The following NIPSNAP3B variants were observed in gnomAD, a reference collection of about 807,000 sequenced individuals.
NIPSNAP3B encodes protein NipSnap homolog 3B.
Under a neutral mutation model 31.5 loss-of-function variants are expected in NIPSNAP3B, and 30 were observed. The ratio of observed to expected loss-of-function variants is 0.95; its 90% CI spans 0.71 to 1.29. The LOEUF (loss-of-function observed/expected upper bound fraction) is 1.29. Ranked by LOEUF, NIPSNAP3B falls within the 50% of genes most tolerant of loss-of-function variation. The pLI, the probability that NIPSNAP3B is intolerant of heterozygous loss-of-function variation, is 0.00. For synonymous variants in NIPSNAP3B, 106 were observed against 107.9 expected (o/e 0.98, Z 0.11); for missense variants, 269 against 300.7 (o/e 0.89, Z 0.78).
At chr9:104,764,633 G>T (rs955789481) in intron 1 of NIPSNAP3B, among the ~76,000 whole-genome samples, 4 of 152,182 alleles carry the variant, frequency 2.6e-5, no homozygotes, top group African/African-American at 9.7e-5. Context: ...TCCGCCTCCC[G>T]GGTTCAAGCG....
At chr9:104,766,574 T>A in intron 2 of NIPSNAP3B, 39 bp downstream of exon 2, 1 of 1,564,758 alleles carries the variant, frequency 6.4e-7, no homozygotes, top group South Asian at 1.1e-5. Flanking sequence ...GTATAGATTT[T>A]CATTCTGTTA....
At chr9:104,766,960 T>G (rs1366036193) in intron 2 of NIPSNAP3B, among the ~76,000 whole-genome samples, 1 of 152,108 alleles carries the variant, frequency 6.6e-6, no homozygotes, top group Non-Finnish European at 1.5e-5. Context: ...ATGTATATGG[T>G]ATTGACGAAG....
Position 104,766,486 on chromosome 9 carries a change from T to C in NIPSNAP3B, c.222T>C (p.Ser74=), listed in dbSNP as rs751195753. 6.2e-7 allele frequency: 1 copy of C among 1,613,682 alleles called. No homozygotes were observed. The highest frequency in any genetic ancestry group is 8.5e-7 in the Non-Finnish European group (1 of 1,179,746). ...TSYSELVGFW[S]VEFGGRTNKV... ...ACTCTGAATTGGTTGGATTCTGGAG[T>C]GTAGAATTTGGAGGCAGAACGAATA... Residue 74 remains serine (S), a synonymous_variant, in exon 2 of 6, where the codon AGT becomes AGC. Coordinates refer to ENST00000374762, the MANE Select transcript of NIPSNAP3B (RefSeq NM_018376.4).
rs1828198760 is a variant in NIPSNAP3B, at chr9:104,770,830, A to C, written c.431-19A>C. 6.2e-7 allele frequency: 1 copy of C among 1,607,676 alleles called. No individual in the cohort carries two copies. The highest frequency in any genetic ancestry group is 8.5e-7 in the Non-Finnish European group (1 of 1,176,362). ...TTTGAATGTCTTCTGTGAAATAATT[A>C]TTTTTCTCCCTATTCTAGGAGTCTA... On this transcript the variant is annotated intron_variant, in intron 3 of 5. Coordinates refer to ENST00000374762, the MANE Select transcript of NIPSNAP3B (RefSeq NM_018376.4).
chr9:104,764,382 G>A, intron 1 of NIPSNAP3B, 82 bp downstream of exon 1: 1 of 1,241,738 alleles, frequency 8.1e-7, no homozygotes. Flanking sequence ...TGCGAGCCAC[G>A]CTCAGGCGCT....
At chr9:104,767,189 G>A (rs975704300) in intron 2 of NIPSNAP3B, among the ~76,000 whole-genome samples, 30 of 152,040 alleles carry the variant, frequency 2.0e-4, no homozygotes, top group Non-Finnish European at 2.7e-4. Flanking sequence ...ACTTTTAAGC[G>A]TCACCCAACT....
the NIPSNAP3B span, chr9:104,786,956 C>T: frequency 1.2e-6 from 2 of 1,613,914 alleles, no homozygotes; most frequent in Non-Finnish European, 1.7e-6. Context: ...CTTTGGGATC[C>T]ATGCCTGTGG....
the NIPSNAP3B span, chr9:104,786,532 A>C: frequency 1.3e-6 from 1 of 779,848 alleles, no homozygotes; most frequent in Non-Finnish European, 2.2e-6. Context: ...GATGCTGTTC[A>C]GTGTAGTGGT....
chr9:104,766,580 T>C (rs1402122207), intron 2 of NIPSNAP3B, 45 bp downstream of exon 2: 3 of 1,545,880 alleles, frequency 1.9e-6, no homozygotes, highest in Non-Finnish European at 2.7e-6. Context: ...ATTTTCATTC[T>C]GTTAAATGTA....
chr9:104,773,698 A>C lies in NIPSNAP3B; in HGVS notation c.*625A>C, dbSNP rs574252013. 94 of 152,300 alleles carry C rather than the reference A, an allele frequency of 6.2e-4. No homozygotes were observed. Among genetic ancestry groups the C allele is most frequent in the Admixed American group, 6.0e-3 (92 of 15,296 alleles). 9.4% of individuals were successfully genotyped at this position (152,300 alleles called of 1,614,324 possible). A position where few individuals can be genotyped will look rare whatever the true frequency, so the allele number is the denominator to read the frequency against. On this transcript the variant is annotated 3_prime_UTR_variant, in exon 6 of 6. Coordinates refer to ENST00000374762, the MANE Select transcript of NIPSNAP3B (RefSeq NM_018376.4). Reference sequence around the variant, plus strand: ...AAATCTAGAAAAGACTTGTTGGTTTATATGCTGAAATTGTTCATTTATAAT... The same window carrying C: ...AAATCTAGAAAAGACTTGTTGGTTTCTATGCTGAAATTGTTCATTTATAAT...
chr9:104,787,954 A>G, the NIPSNAP3B span: 7 of 1,614,068 alleles, frequency 4.3e-6, no homozygotes, highest in South Asian at 5.5e-5. Flanking sequence ...GATCAAAGCC[A>G]TGGCTGTAGA....
the NIPSNAP3B span, chr9:104,783,311 T>C: frequency 5.9e-5 from 9 of 152,228 alleles, no homozygotes; most frequent in African/African-American, 2.2e-4. Flanking sequence ...TACAACTCCA[T>C]CTTTTCATTT....
chr9:104,766,615 A>G (rs1413379483), intron 2 of NIPSNAP3B, 80 bp downstream of exon 2: 2 of 1,343,102 alleles, frequency 1.5e-6, no homozygotes, highest in East Asian at 2.3e-5. Context: ...TCTTGGATCT[A>G]TATTACCATA....
At chr9:104,779,365 T>A (rs1383305718), downstream of NIPSNAP3B, among the ~76,000 whole-genome samples, 1 of 152,232 alleles carries the variant, frequency 6.6e-6, no homozygotes, top group Non-Finnish European at 1.5e-5. Context: ...TACAGTAAAG[T>A]TCAATAAATA....
In NIPSNAP3B at chr9:104,771,097, T is replaced by G. The variant is rs538324465; in HGVS notation, c.580+99T>G. 52 of 1,086,552 alleles carry G rather than the reference T, an allele frequency of 4.8e-5. No individual in the cohort carries two copies. The South Asian group carries it at 7.5e-4, about 16-fold the overall frequency. 67.3% of individuals were successfully genotyped at this position (1,086,552 alleles called of 1,614,324 possible). A position where few individuals can be genotyped will look rare whatever the true frequency, so the allele number is the denominator to read the frequency against. ...CCTGTTTTAATTTTTATCTCCAAAT[T>G]TTTAGAGTTTGTTGTTTATAGGATT... On this transcript the variant is annotated intron_variant, in intron 4 of 5. Coordinates refer to ENST00000374762, the MANE Select transcript of NIPSNAP3B (RefSeq NM_018376.4).
rs985145586 is a variant in NIPSNAP3B, at chr9:104,775,670, G to A, written c.*2597G>A. ...TTCCAGGCTCATCACATCCAGGTGTGTTCCCCACACCTCCACCTGAATGTC... is the reference window on the plus strand; with the variant it reads ...TTCCAGGCTCATCACATCCAGGTGTATTCCCCACACCTCCACCTGAATGTC... On this transcript the variant is annotated 3_prime_UTR_variant, in exon 6 of 6. Transcript: ENST00000374762. Among the ~76,000 whole-genome samples the A allele has an allele frequency of 2.6e-5, 4 of 152,118 alleles. No homozygotes were observed. Among genetic ancestry groups the A allele is most frequent in the African/African-American group, 7.2e-5 (3 of 41,408 alleles).
chr9:104,782,871 C>G, the NIPSNAP3B span: 2 of 151,548 alleles, frequency 1.3e-5, no homozygotes, highest in Non-Finnish European at 2.9e-5. Context: ...AAAAAGGCTG[C>G]CCAGTATTGT....
the NIPSNAP3B span, chr9:104,785,393 T>C: frequency 6.2e-7 from 1 of 1,613,834 alleles, no homozygotes; most frequent in Non-Finnish European, 8.5e-7. Flanking sequence ...ACTCAAAGCT[T>C]ACTTGGTCAA....
chr9:104,766,019 T>G (rs1266257796), intron 1 of NIPSNAP3B, among the ~76,000 whole-genome samples: 1 of 152,214 alleles, frequency 6.6e-6, no homozygotes, highest in African/African-American at 2.4e-5. Flanking sequence ...GACTAAGTCT[T>G]AAATGTAGTT....
Sources: allele counts gnomAD v4.1 joint callset (sites outside exome capture counted in the v4.1 genomes callset), GRCh38; gene constraint gnomAD v4.1.1; transcripts MANE v1.5; gene names NCBI Gene and HGNC (gene_info 2026-07-23, HGNC 2026-07-21).